STC2: variants seen among roughly 807,000 people sequenced by gnomAD.
STC2 encodes stanniocalcin-2.
STC2 carries 7 observed loss-of-function variants against 22.7 expected under a neutral mutation model. The ratio of observed to expected loss-of-function variants is 0.31; its 90% confidence interval spans 0.18 to 0.58. STC2 has a LOEUF of 0.58. Ranked by LOEUF, STC2 falls within the 20% of genes least tolerant of loss-of-function variation. The probability of loss-of-function intolerance (pLI) is 0.89; values close to 1 mark genes in which losing one functional copy is unlikely to be tolerated. For missense variants in STC2, 336 were observed against 406.2 expected (o/e 0.83, Z 1.48); for synonymous variants, 158 against 163.4 (o/e 0.97, Z 0.25).
At chr5:173,322,317 G>T (rs769091991) in intron 3 of STC2, among the ~76,000 whole-genome samples, 1 of 152,074 alleles carries the variant, frequency 6.6e-6, no homozygotes, top group Non-Finnish European at 1.5e-5. Flanking sequence ...AATCTTCAGG[G>T]GCTCCTGGCC....
At position 173,317,016 on chromosome 5, in the gene STC2, G is replaced by GT. The variant is rs34875079; in HGVS notation, c.*830dup. On this transcript the variant is annotated 3_prime_UTR_variant, in exon 4 of 4. Coordinates refer to ENST00000265087, the MANE Select transcript of STC2 (RefSeq NM_003714.3). ...AAAATCAGCCTCAAAGGATGGGCTG[G>GT]TTTTTTTTTTTTAAACCCCCTTTGA... 0.022 allele frequency: 3,223 copies of GT among 145,838 alleles called. 112 individuals are homozygous for GT. The highest frequency in any genetic ancestry group is 0.071 in the African/African-American group (2,832 of 39,992). The allele number at this position is 145,838 out of a possible 1,614,324, so 9.0% of individuals were successfully genotyped here. A position where few individuals can be genotyped will look rare whatever the true frequency, so the allele number is the denominator to read the frequency against.
intron 1 of STC2, 126 bp downstream of exon 1, chr5:173,327,917 G>A: frequency 1.6e-6 from 2 of 1,247,742 alleles, no homozygotes; most frequent in East Asian, 2.8e-5. Context: ...CACGTCCCGT[G>A]CCATCCCAAG....
chr5:173,319,426 CA>C (rs1762461575), intron 3 of STC2, among the ~76,000 whole-genome samples: 1 of 152,316 alleles, frequency 6.6e-6, no homozygotes. Flanking sequence ...ACAAGCATTG[CA>C]GCTTTGGGCC....
intron 3 of STC2, among the ~76,000 whole-genome samples, chr5:173,320,413 C>A (rs963719782): frequency 6.6e-6 from 1 of 152,194 alleles, no homozygotes; most frequent in African/African-American, 2.4e-5. Context: ...TAATCCAAGC[C>A]GTGTTCCGAG....
chr5:173,320,884 A>C (rs1762476460), intron 3 of STC2, among the ~76,000 whole-genome samples: 1 of 151,256 alleles, frequency 6.6e-6, no homozygotes, highest in Non-Finnish European at 1.5e-5. Context: ...GGATACTTTA[A>C]TCAGTTAAGA....
At chr5:173,318,306 G>C in intron 3 of STC2, 57 bp from the exon 4 acceptor site, 1 of 1,352,018 alleles carries the variant, frequency 7.4e-7, no homozygotes, top group Non-Finnish European at 9.6e-7. Context: ...GAGAGGCTGG[G>C]AATGGAGCAA....
intron 2 of STC2, chr5:173,324,091 C>T (rs1460835941): frequency 6.6e-6 from 1 of 152,564 alleles, no homozygotes; most frequent in Non-Finnish European, 1.5e-5. Context: ...GGCCTGGCAC[C>T]CTGCCTGGCA....
intron 2 of STC2, among the ~76,000 whole-genome samples, chr5:173,324,829 G>A (rs1037311612): frequency 1.3e-5 from 2 of 152,154 alleles, no homozygotes; most frequent in Non-Finnish European, 2.9e-5. Context: ...CCTAATTCCC[G>A]TTAATCCAGA....
Position 173,323,110 on chromosome 5 carries a change from C to T in STC2, c.506+109G>A, listed in dbSNP as rs1762504868. 3.9e-6 allele frequency: 4 copies of T among 1,022,706 alleles called. No homozygotes were observed. The highest frequency in any genetic ancestry group is 6.0e-6 in the Non-Finnish European group (4 of 670,458). The allele number at this position is 1,022,706 out of a possible 1,614,324, so 63.4% of individuals were successfully genotyped here. A position where few individuals can be genotyped will look rare whatever the true frequency, so the allele number is the denominator to read the frequency against. On this transcript the variant is annotated intron_variant, in intron 3 of 3. Transcript: ENST00000265087. The surrounding 1 kb of genome is among the most constrained non-coding windows in gnomAD (Gnocchi z 5.4). The stretch of plus-strand genomic sequence containing the variant: ...TTCTGAAGTAAATGGAAGCCTTCTC[C>T]ATTTGACAGGCATTCAGCCTCTAGA...
Position 173,318,060 on chromosome 5 carries a change from G to A in STC2, c.696C>T (p.Thr232=), listed in dbSNP as rs749203556. ...PPERQPQVDR[T]KLSRAHHGEA... is the part of the protein sequence containing the mutation. ...CCCCGTGGTGGGCCCTGGAGAGCTT[G>A]GTTCTGTCCACCTGGGGCTGGCGCT... The change falls in exon 4 of 4, where the codon ACC becomes ACT. Residue 232 remains threonine (T), a synonymous_variant. Coordinates refer to ENST00000265087, the MANE Select transcript of STC2 (RefSeq NM_003714.3). 2 of 1,609,674 alleles carry A rather than the reference G, an allele frequency of 1.2e-6. No individual in the cohort carries two copies. The highest frequency in any genetic ancestry group is 1.7e-6 in the Non-Finnish European group (2 of 1,178,004).
intron 3 of STC2, among the ~76,000 whole-genome samples, chr5:173,320,637 G>A (rs976423041): frequency 1.3e-5 from 2 of 151,774 alleles, no homozygotes; most frequent in Non-Finnish European, 2.9e-5. Context: ...AAAGTGGGGC[G>A]GGCAGGAAGG....
Position 173,317,669 on chromosome 5 carries a change from G to T in STC2, c.*178C>A. 1.3e-6 allele frequency: 1 copy of T among 762,628 alleles called. No homozygotes were observed. The highest frequency in any genetic ancestry group is 1.9e-6 in the Non-Finnish European group (1 of 516,854). The allele number at this position is 762,628 out of a possible 1,614,324, so 47.2% of individuals were successfully genotyped here. A position where few individuals can be genotyped will look rare whatever the true frequency, so the allele number is the denominator to read the frequency against. ...CACCAGGCACCCCTGAGACCCCACG[G>T]CCCCAGGGGTCTCCATCTCACCTGT... is the stretch of plus-strand genomic sequence containing the variant. On this transcript the variant is annotated 3_prime_UTR_variant, in exon 4 of 4. Transcript: ENST00000265087.
At chr5:173,321,820 A>T (rs567200299) in intron 3 of STC2, among the ~76,000 whole-genome samples, 1 of 145,814 alleles carries the variant, frequency 6.9e-6, no homozygotes, top group South Asian at 2.2e-4. Flanking sequence ...AATTAAAAAA[A>T]CATAAAAAAA....
rs1232066738 is a variant in STC2 at position 173,318,687 on chromosome 5, T to A, written c.507-438A>T. 3.3e-5 allele frequency among the ~76,000 whole-genome samples: 5 copies of A among 152,256 alleles called. No individual in the cohort carries two copies. In the South Asian group the frequency reaches 8.3e-4, roughly 25 times the overall value. ...TAGGCAAATGGTGCAGGGCCTTACA[T>A]AGACTTCCAAACAGAGGATTCTTTT... On this transcript the variant is annotated intron_variant, in intron 3 of 3. Coordinates refer to ENST00000265087, the MANE Select transcript of STC2 (RefSeq NM_003714.3).
At position 173,326,405 on chromosome 5, in the gene STC2, A is replaced by G. The variant is rs1043378948; in HGVS notation, c.152-395T>C. 3.9e-5 allele frequency among the ~76,000 whole-genome samples: 6 copies of G among 152,250 alleles called. 1 individual carries two copies. The highest frequency in any genetic ancestry group is 1.3e-4 in the Admixed American group (2 of 15,288). ...TTGAGTCGAAGACTGTACTTCATCAATGAAGTACCCTTCTCTACTTGATCT... is the reference window on the plus strand; with the variant it reads ...TTGAGTCGAAGACTGTACTTCATCAGTGAAGTACCCTTCTCTACTTGATCT... On this transcript the variant is annotated intron_variant, in intron 1 of 3. Coordinates refer to ENST00000265087, the MANE Select transcript of STC2 (RefSeq NM_003714.3).
chr5:173,324,502 T>C (rs536701458), intron 2 of STC2, among the ~76,000 whole-genome samples: 75 of 152,290 alleles, frequency 4.9e-4, no homozygotes, highest in African/African-American at 1.7e-3. Context: ...GCCATAGAAA[T>C]GTCTACAGAT....
intron 3 of STC2, among the ~76,000 whole-genome samples, chr5:173,321,979 C>T (rs781172957): frequency 1.3e-5 from 2 of 152,178 alleles, no homozygotes; most frequent in African/African-American, 2.4e-5. Flanking sequence ...TGCAGAGTTT[C>T]GCCATGAATT....
rs774678758 is a variant in STC2, at chr5:173,318,042, G to A, written c.714C>T (p.His238=). Residue 238 remains histidine (H), a synonymous_variant, in exon 4 of 4, where the codon CAC becomes CAT. Transcript: ENST00000265087. ...QVDRTKLSRA[H]HGEAGHHLPE... ...GGAGGTGATGTCCTGCTTCCCCGTG[G>A]TGGGCCCTGGAGAGCTTGGTTCTGT... 6.2e-7 allele frequency: 1 copy of A among 1,612,040 alleles called. No individual in the cohort carries two copies. Among genetic ancestry groups the A allele is most frequent in the African/African-American group, 1.3e-5 (1 of 74,942 alleles).
rs1762437998 is a variant in STC2, at chr5:173,317,688, C to T, written c.*159G>A. The T allele has an allele frequency of 2.9e-6, 3 of 1,018,548 alleles. No homozygotes were observed. The highest frequency in any genetic ancestry group is 5.1e-5 in the East Asian group (2 of 38,966). 63.1% of individuals were successfully genotyped at this position (1,018,548 alleles called of 1,614,324 possible). A position where few individuals can be genotyped will look rare whatever the true frequency, so the allele number is the denominator to read the frequency against. ...CCCACGGCCCCAGGGGTCTCCATCT[C>T]ACCTGTCCGTTCCGCGAACACACAC... On this transcript the variant is annotated 3_prime_UTR_variant, in exon 4 of 4. Transcript: ENST00000265087.
Sources: gnomAD v4.1 joint callset for allele counts (sites outside exome capture counted in the v4.1 genomes callset) on GRCh38, gnomAD v4.1.1 for gene constraint, Gnocchi (gnomAD v3.1) non-coding constraint, MANE v1.5 for transcripts, NCBI Gene and HGNC (gene_info 2026-07-23, HGNC 2026-07-21) for gene names.